Variants in ADAMTSL3 observed in about 807,000 individuals in gnomAD.
The protein encoded by ADAMTSL3 is ADAMTS-like protein 3.
ADAMTSL3 carries 128 observed loss-of-function variants against 201.7 expected under a neutral mutation model. The observed-to-expected ratio is 0.63, with a 90% CI of 0.55 to 0.73. The LOEUF is 0.73. Ranked by LOEUF, ADAMTSL3 falls within the 30% of genes least tolerant of loss-of-function variation. The probability of loss-of-function intolerance (pLI) is 0.00; values close to 1 mark genes in which losing one functional copy is unlikely to be tolerated. For synonymous variants in ADAMTSL3, 738 were observed against 748.4 expected (o/e 0.99, Z 0.23); for missense variants, 1,990 against 2,119.6 (o/e 0.94, Z 1.20).
chr15:83,781,884 A>G (rs145806625), intron 4 of ADAMTSL3, among the ~76,000 whole-genome samples: 175 of 152,338 alleles, frequency 1.1e-3, no homozygotes, highest in African/African-American at 3.9e-3. Context: ...ATGTCACACC[A>G]TTCAGACTGG....
chr15:83,667,477 G>A (rs1369245259), intron 2 of ADAMTSL3, among the ~76,000 whole-genome samples: 1 of 149,058 alleles, frequency 6.7e-6, no homozygotes, highest in Non-Finnish European at 1.5e-5. Context: ...CTCTAATGAA[G>A]CAAGGAAATG....
intron 23 of ADAMTSL3, among the ~76,000 whole-genome samples, chr15:84,009,735 A>G (rs1244380938): frequency 6.6e-6 from 1 of 152,158 alleles, no homozygotes; most frequent in African/African-American, 2.4e-5. Flanking sequence ...CCTGAATCCT[A>G]TCTGTGGACC....
chr15:83,764,753 A>C (rs2062864781), intron 3 of ADAMTSL3, among the ~76,000 whole-genome samples: 1 of 152,028 alleles, frequency 6.6e-6, no homozygotes, highest in South Asian at 2.1e-4. Flanking sequence ...TACCCTGTCC[A>C]CTACCTTGGT....
chr15:83,789,093 G>T (rs2063306664), intron 4 of ADAMTSL3, among the ~76,000 whole-genome samples: 3 of 152,162 alleles, frequency 2.0e-5, no homozygotes, highest in African/African-American at 7.2e-5. Context: ...TTACAGGCAT[G>T]AGCCACCACA....
chr15:83,793,768 G>A (rs1567148956), intron 4 of ADAMTSL3, among the ~76,000 whole-genome samples: 1 of 152,066 alleles, frequency 6.6e-6, no homozygotes, highest in East Asian at 1.9e-4. Context: ...TGTATCTGTT[G>A]ATTTTTAAAA....
chr15:83,661,264 G>A (rs1332853788), intron 2 of ADAMTSL3, among the ~76,000 whole-genome samples: 1 of 151,952 alleles, frequency 6.6e-6, no homozygotes, highest in Non-Finnish European at 1.5e-5. Context: ...TGGCGATGCG[G>A]GCTCTTTTTT....
chr15:83,957,942 A>T (rs56278218), intron 19 of ADAMTSL3, among the ~76,000 whole-genome samples: 33,462 of 152,122 alleles, frequency 0.22, 4,311 homozygotes, highest in East Asian at 0.33. Flanking sequence ...AAATCATGGT[A>T]GTAGCATAGT....
intron 6 of ADAMTSL3, among the ~76,000 whole-genome samples, chr15:83,835,754 C>T (rs565219716): frequency 6.6e-6 from 1 of 152,354 alleles, no homozygotes; most frequent in African/African-American, 2.4e-5. Context: ...AAATCAATCA[C>T]TCTTAAGTTG....
intron 3 of ADAMTSL3, among the ~76,000 whole-genome samples, chr15:83,726,640 T>C (rs1349689673): frequency 1.3e-5 from 2 of 152,190 alleles, no homozygotes; most frequent in East Asian, 1.9e-4. Context: ...TTTTCCAGCA[T>C]CAATTGAAAT....
intron 2 of ADAMTSL3, among the ~76,000 whole-genome samples, chr15:83,669,763 C>T (rs754272788): frequency 6.6e-5 from 10 of 151,690 alleles, no homozygotes; most frequent in Admixed American, 1.3e-4. Context: ...CCACCGCGCC[C>T]GGCCAGGAGT....
At chr15:83,904,285 T>G (rs958769436) in intron 15 of ADAMTSL3, among the ~76,000 whole-genome samples, 1 of 151,976 alleles carries the variant, frequency 6.6e-6, no homozygotes, top group Admixed American at 6.6e-5. Context: ...GTGTGAAGTT[T>G]ATATTTTCCT....
chr15:83,738,378 T>C (rs1015343550), intron 3 of ADAMTSL3, among the ~76,000 whole-genome samples: 4 of 152,188 alleles, frequency 2.6e-5, no homozygotes, highest in African/African-American at 9.7e-5. Context: ...ATAAGCAATT[T>C]AGCATCTATA....
intron 21 of ADAMTSL3, among the ~76,000 whole-genome samples, chr15:83,984,457 A>G (rs1409597894): frequency 6.6e-6 from 1 of 152,238 alleles, no homozygotes; most frequent in African/African-American, 2.4e-5. Context: ...TGCTAGAACT[A>G]TGAACACAAG....
intron 2 of ADAMTSL3, among the ~76,000 whole-genome samples, chr15:83,670,511 G>C (rs1434035904): frequency 3.3e-5 from 5 of 151,466 alleles, no homozygotes; most frequent in Non-Finnish European, 5.9e-5. Flanking sequence ...ACACACATAT[G>C]CACACGTATG....
chr15:83,964,608 T>C (rs59559865), intron 19 of ADAMTSL3, among the ~76,000 whole-genome samples: 13,700 of 152,216 alleles, frequency 0.09, 829 homozygotes, highest in East Asian at 0.33. Flanking sequence ...TTCAGGATAT[T>C]ATCAAGGAGA....
chr15:83,815,338 G>C (rs968492403), intron 5 of ADAMTSL3, among the ~76,000 whole-genome samples: 3 of 152,172 alleles, frequency 2.0e-5, no homozygotes, highest in African/African-American at 7.2e-5. Context: ...TGTTCAGTGT[G>C]TTTCATGCGT....
chr15:83,903,928 A>AGGGAGGGAGGGAGGGAGGGAGGGAGG (rs1567226013), intron 15 of ADAMTSL3, among the ~76,000 whole-genome samples: 3 of 63,672 alleles, frequency 4.7e-5, no homozygotes, highest in African/African-American at 1.5e-4. Context: ...AAAAAAAAAA[A>AGGGAGGGAGGGAGGGAGGGAGGGAGG]AAAAAAAAAA....
chr15:83,913,585 T>C (rs1157766442), intron 16 of ADAMTSL3, among the ~76,000 whole-genome samples: 1 of 151,864 alleles, frequency 6.6e-6, no homozygotes, highest in Non-Finnish European at 1.5e-5. Flanking sequence ...GACTATATAC[T>C]AACCAAAAAA....
intron 3 of ADAMTSL3, among the ~76,000 whole-genome samples, chr15:83,754,357 A>T (rs1298405750): frequency 6.6e-6 from 1 of 152,186 alleles, no homozygotes; most frequent in African/African-American, 2.4e-5. Flanking sequence ...TATTGCTCGC[A>T]GGAATGCCAG....
Sources: gnomAD v4.1 joint callset for allele counts (sites outside exome capture counted in the v4.1 genomes callset) on GRCh38, gnomAD v4.1.1 for gene constraint, MANE v1.5 for transcripts, NCBI Gene and HGNC (gene_info 2026-07-23, HGNC 2026-07-21) for gene names.